The following ATP8A2 variants were observed in gnomAD, a reference collection of about 807,000 sequenced individuals.
The protein encoded by ATP8A2 is ATPase phospholipid transporting 8A2, also known as phospholipid-transporting ATPase IB.
A neutral mutation model predicts 165.6 loss-of-function variants in ATP8A2; 100 were observed. The ratio of observed to expected loss-of-function variants is 0.60; its 90% CI spans 0.51 to 0.71. ATP8A2 has a LOEUF of 0.71. ATP8A2 is among the 30% of genes least tolerant of loss of function. The pLI, the probability that ATP8A2 is intolerant of heterozygous loss-of-function variation, is 0.00. For synonymous variants in ATP8A2, 543 were observed against 548.8 expected (o/e 0.99, Z 0.15); for missense variants, 1,227 against 1,479.5 (o/e 0.83, Z 2.80).
chr13:25,534,915 A>G (rs2038228623), intron 6 of ATP8A2, among the ~76,000 whole-genome samples: 1 of 152,216 alleles, frequency 6.6e-6, no homozygotes, highest in African/African-American at 2.4e-5. Context: ...TAAACAAATT[A>G]CTAGTTGAGG....
chr13:25,637,883 C>T (rs541124817), intron 24 of ATP8A2, among the ~76,000 whole-genome samples: 12 of 152,314 alleles, frequency 7.9e-5, no homozygotes, highest in South Asian at 2.1e-4. Context: ...ACACCTCACA[C>T]GGCCGGGTAC....
rs763926807 is a variant in ATP8A2, at chr13:25,963,393, C to CAA, written c.3272+1746_3272+1747dup. 2.8e-3 allele frequency among the ~76,000 whole-genome samples: 321 copies of CAA among 115,312 alleles called. 2 individuals carry two copies. Among genetic ancestry groups the CAA allele is most frequent in the African/African-American group, 8.8e-3 (264 of 30,146 alleles). 75.6% of individuals were successfully genotyped at this position (115,312 alleles called of 152,430 possible). A position where few individuals can be genotyped will look rare whatever the true frequency, so the allele number is the denominator to read the frequency against. On this transcript the variant is annotated intron_variant, in intron 34 of 36. Transcript: ENST00000381655. ...TGGGCGACAGAGCGAGACTCCGTCT[C>CAA]AAAAAAAAAAAAAAAAAGAAAAGAA...
intron 24 of ATP8A2, among the ~76,000 whole-genome samples, chr13:25,655,134 C>T (rs1166917377): frequency 1.3e-5 from 2 of 152,158 alleles, no homozygotes; most frequent in South Asian, 2.1e-4. Flanking sequence ...GTCTGATGTC[C>T]TTGTTTCTTC....
At chr13:25,761,246 G>A (rs964504889) in intron 25 of ATP8A2, among the ~76,000 whole-genome samples, 8 of 152,208 alleles carry the variant, frequency 5.3e-5, no homozygotes, top group East Asian at 3.8e-4. Flanking sequence ...ATCCTGGAGC[G>A]TGTTGACCTG....
At chr13:25,461,968 C>G (rs543068732) in intron 1 of ATP8A2, among the ~76,000 whole-genome samples, 2 of 152,140 alleles carry the variant, frequency 1.3e-5, no homozygotes, top group Admixed American at 1.3e-4. Flanking sequence ...TTTGCCAACC[C>G]TTGATTTATG....
chr13:25,858,953 C>G (rs1285043305), intron 30 of ATP8A2, among the ~76,000 whole-genome samples: 2 of 151,958 alleles, frequency 1.3e-5, no homozygotes, highest in African/African-American at 4.8e-5. Flanking sequence ...GCCTGTAATC[C>G]CAGCACTTTG....
At position 25,589,656 on chromosome 13, in the gene ATP8A2, C is replaced by A; in HGVS notation, c.2168C>A (p.Ser723Ter). ...TCAGGGTATTCCTGCCGATTGGTAT[C>A]GCAGAATATGGCCCTTATCCTATTG... ...INIGYSCRLV[S>*]QNMALILLKE... The change falls in exon 24 of 37, where the codon TCG becomes TAG. Residue 723 changes from serine to a stop codon, truncating the protein, a stop_gained. Coordinates refer to ENST00000381655, the MANE Select transcript of ATP8A2 (RefSeq NM_016529.6). LOFTEE classifies it high-confidence loss of function. The A allele has an allele frequency of 1.2e-6, 2 of 1,611,984 alleles. No homozygotes were observed. Among genetic ancestry groups the A allele is most frequent in the Non-Finnish European group, 1.7e-6 (2 of 1,178,380 alleles).
At chr13:25,939,679 G>A (rs936644898) in intron 33 of ATP8A2, among the ~76,000 whole-genome samples, 3 of 152,146 alleles carry the variant, frequency 2.0e-5, no homozygotes, top group African/African-American at 7.2e-5. Flanking sequence ...TGGCAGGGCT[G>A]GCCCTCCACA....
chr13:25,537,920 C>T (rs983819031), intron 6 of ATP8A2, 68 bp from the exon 7 acceptor site: 5 of 1,118,034 alleles, frequency 4.5e-6, no homozygotes, highest in Non-Finnish European at 6.7e-6. Context: ...TATTTAAGCA[C>T]CTTTTTCACC....
chr13:25,768,313 C>A (rs1237710437), intron 25 of ATP8A2, among the ~76,000 whole-genome samples: 2 of 152,130 alleles, frequency 1.3e-5, no homozygotes, highest in Non-Finnish European at 2.9e-5. Flanking sequence ...TCTTCCCAGA[C>A]GACTTGAGGA....
chr13:25,584,295 A>T (rs2039858718), intron 23 of ATP8A2, among the ~76,000 whole-genome samples: 1 of 152,230 alleles, frequency 6.6e-6, no homozygotes, highest in Non-Finnish European at 1.5e-5. Flanking sequence ...GGCAGCTGTC[A>T]GCAGCATGAG....
chr13:25,983,232 T>C (rs1457214627), intron 35 of ATP8A2, among the ~76,000 whole-genome samples: 1 of 152,208 alleles, frequency 6.6e-6, no homozygotes, highest in Non-Finnish European at 1.5e-5. Flanking sequence ...AAAACTGATA[T>C]ATATTCAGCA....
chr13:25,388,317 A>T (rs960677258), intron 1 of ATP8A2, among the ~76,000 whole-genome samples: 56 of 152,192 alleles, frequency 3.7e-4, no homozygotes, highest in African/African-American at 1.3e-3. Context: ...AGCTTGTCTC[A>T]GTGTAGCAGG....
At position 25,849,221 on chromosome 13, in the gene ATP8A2, G is replaced by A. The variant is rs532089936; in HGVS notation, c.2956+9597G>A. On this transcript the variant is annotated intron_variant, in intron 30 of 36. Coordinates refer to ENST00000381655, the MANE Select transcript of ATP8A2 (RefSeq NM_016529.6). Reference sequence around the variant, plus strand: ...TCTCCCTCCTGAGCCCTGCATGAGTGTGATGCCTGCATTGTTCAGTTCAGG... The same window carrying A: ...TCTCCCTCCTGAGCCCTGCATGAGTATGATGCCTGCATTGTTCAGTTCAGG... Among the ~76,000 whole-genome samples, 4 of 152,330 alleles carry A rather than the reference G, an allele frequency of 2.6e-5. No homozygotes were observed. In the South Asian group the frequency reaches 8.3e-4, roughly 32 times the overall value.
intron 1 of ATP8A2, among the ~76,000 whole-genome samples, chr13:25,383,385 G>A (rs1288077817): frequency 1.3e-5 from 2 of 152,218 alleles, no homozygotes; most frequent in African/African-American, 4.8e-5. Context: ...TTACAGGCGT[G>A]TGCCTTTTGT....
chr13:25,558,487 A>T (rs2039047722), intron 13 of ATP8A2, among the ~76,000 whole-genome samples: 1 of 152,156 alleles, frequency 6.6e-6, no homozygotes, highest in South Asian at 2.1e-4. Flanking sequence ...CAATTCATGT[A>T]ATCAGTCCCT....
intron 24 of ATP8A2, among the ~76,000 whole-genome samples, chr13:25,634,092 A>G (rs74041049): frequency 6.6e-6 from 1 of 152,342 alleles, no homozygotes; most frequent in African/African-American, 2.4e-5. Context: ...TTAATGCTGT[A>G]TCTAAATATC....
At chr13:25,967,799 A>G (rs1294427396) in intron 34 of ATP8A2, among the ~76,000 whole-genome samples, 1 of 152,292 alleles carries the variant, frequency 6.6e-6, no homozygotes, top group African/African-American at 2.4e-5. Flanking sequence ...CATTTTATAA[A>G]GACTCTGAGA....
chr13:25,596,927 T>C, intron 24 of ATP8A2, among the ~76,000 whole-genome samples: 1 of 152,186 alleles, frequency 6.6e-6, no homozygotes, highest in East Asian at 1.9e-4. Flanking sequence ...GTACTGTCAG[T>C]CGTTTTAATT....
Sources: gnomAD v4.1 joint callset for allele counts (sites outside exome capture counted in the v4.1 genomes callset) on GRCh38, gnomAD v4.1.1 for gene constraint, MANE v1.5 for transcripts, NCBI Gene and HGNC (gene_info 2026-07-23, HGNC 2026-07-21) for gene names.